NAPA: variants seen among roughly 807,000 people sequenced by gnomAD.
NAPA encodes alpha-soluble NSF attachment protein.
In NAPA, 18 loss-of-function variants were observed where a neutral mutation model predicts 48.0. The ratio of observed to expected loss-of-function variants is 0.38; its 90% CI spans 0.26 to 0.56. NAPA has a LOEUF of 0.56. Ranked by LOEUF, NAPA falls within the 20% of genes least tolerant of loss-of-function variation. NAPA has a pLI of 0.77. For missense variants in NAPA, 315 were observed against 385.0 expected (o/e 0.82, Z 1.52); for synonymous variants, 152 against 149.9 (o/e 1.01, Z -0.10).
chr19:47,503,412 A>C lies in NAPA; in HGVS notation c.178+11T>G. ...GAGCACCTTGGAGGAGCTCTAGCGG[A>C]GATGACATACCACTCCAGTTTTTGG... On this transcript the variant is annotated intron_variant, in intron 2 of 10. Transcript: ENST00000263354. 3 of 1,612,358 alleles carry C rather than the reference A, an allele frequency of 1.9e-6. No individual in the cohort carries two copies. Among genetic ancestry groups the C allele is most frequent in the Non-Finnish European group, 2.5e-6 (3 of 1,178,322 alleles).
chr19:47,496,782 C>A, intron 3 of NAPA: 1 of 444,162 alleles, frequency 2.3e-6, no homozygotes, highest in Non-Finnish European at 4.5e-6. Flanking sequence ...TGTCTCAGGT[C>A]TGTGGCTGGG....
In NAPA at chr19:47,488,237, C is replaced by T; in HGVS notation, c.*51G>A. ...TCTCCAGCAAGTCTCGGCCCCACCTCTCTCTGAGCAGATGGGACAGGAAGA... is the reference window on the plus strand; with the variant it reads ...TCTCCAGCAAGTCTCGGCCCCACCTTTCTCTGAGCAGATGGGACAGGAAGA... On this transcript the variant is annotated 3_prime_UTR_variant, in exon 11 of 11. Transcript: ENST00000263354. The T allele has an allele frequency of 6.6e-7, 1 of 1,513,982 alleles. No individual in the cohort carries two copies. 93.8% of individuals were successfully genotyped at this position (1,513,982 alleles called of 1,614,324 possible).
In NAPA at chr19:47,493,459, G is replaced by A. The variant is rs1809470009; in HGVS notation, c.377C>T (p.Ser126Phe). 1 of 1,614,064 alleles carries A rather than the reference G, an allele frequency of 6.2e-7. No individual in the cohort carries two copies. Among genetic ancestry groups the A allele is most frequent in the Non-Finnish European group, 8.5e-7 (1 of 1,179,990 alleles). The change falls in exon 5 of 11, where the codon TCC (serine) becomes TTC (phenylalanine). Residue 126 changes from serine (S) to phenylalanine (F), a missense_variant. Transcript: ENST00000263354. The surrounding 1 kb of genome is among the most constrained non-coding windows in gnomAD (Gnocchi z 6.4). Reference protein sequence around the residue: ...RFTIAAKHHISIAEIYETELV... With the variant: ...RFTIAAKHHIFIAEIYETELV... ...CTCTGTCTCATAGATCTCAGCAATG[G>A]AGATGTGGTGCTTGGCCGCAATCGT...
chr19:47,513,689 A>G (rs1437645980), intron 1 of NAPA, among the ~76,000 whole-genome samples: 1 of 151,714 alleles, frequency 6.6e-6, no homozygotes, highest in African/African-American at 2.4e-5. Context: ...CGAGGATCAC[A>G]CAGCAGGAAT....
At chr19:47,489,806 G>C in intron 9 of NAPA, 45 bp from the exon 10 acceptor site, 3 of 1,604,152 alleles carry the variant, frequency 1.9e-6, no homozygotes, top group Non-Finnish European at 1.7e-6. Flanking sequence ...ATGCTGACCT[G>C]AGGTCTGGCC....
Position 47,513,848 on chromosome 19 carries a change from T to C in NAPA, c.98+995A>G, listed in dbSNP as rs954093889. ...CAGGCTTTTTTCTTTCTTTCTTTCT[T>C]TTTTTTTTTTTTTTTTTTTGAGACA... On this transcript the variant is annotated intron_variant, in intron 1 of 10. Coordinates refer to ENST00000263354, the MANE Select transcript of NAPA (RefSeq NM_003827.4). 3.1e-3 allele frequency among the ~76,000 whole-genome samples: 379 copies of C among 120,878 alleles called. 2 individuals carry two copies. Among genetic ancestry groups the C allele is most frequent in the African/African-American group, 0.015 (369 of 24,720 alleles). 79.3% of individuals were successfully genotyped at this position (120,878 alleles called of 152,430 possible).
intron 7 of NAPA, 196 bp downstream of exon 7, chr19:47,492,765 G>C (rs546135762): frequency 1.4e-6 from 1 of 698,368 alleles, no homozygotes; most frequent in South Asian, 1.5e-5. Context: ...GTGCTGGCAC[G>C]GCATGGAGTC....
chr19:47,512,419 T>TA (rs1462190283), intron 1 of NAPA, among the ~76,000 whole-genome samples: 1 of 152,102 alleles, frequency 6.6e-6, no homozygotes, highest in Non-Finnish European at 1.5e-5. Context: ...AGCCCCTCCT[T>TA]ACAGTAGGTA....
chr19:47,514,773 G>A (rs1968873556), intron 1 of NAPA, 70 bp downstream of exon 1: 4 of 1,472,876 alleles, frequency 2.7e-6, no homozygotes, highest in Non-Finnish European at 3.7e-6. Flanking sequence ...GCCCTAACCC[G>A]CCACCTCCGA....
Sources: gnomAD v4.1 joint callset for allele counts (sites outside exome capture counted in the v4.1 genomes callset) on GRCh38, gnomAD v4.1.1 for gene constraint, Gnocchi (gnomAD v3.1) non-coding constraint, MANE v1.5 for transcripts, NCBI Gene and HGNC (gene_info 2026-07-23, HGNC 2026-07-21) for gene names.